RGS7: variants seen among roughly 807,000 people sequenced by gnomAD.
RGS7 encodes the protein regulator of G-protein signaling 7.
A neutral mutation model predicts 81.1 loss-of-function variants in RGS7; 27 were observed. The observed-to-expected ratio is 0.33, with a 90% CI of 0.25 to 0.46. The LOEUF (loss-of-function observed/expected upper bound fraction) is 0.46. RGS7 is among the 20% of genes least tolerant of loss of function. The pLI, the probability that RGS7 is intolerant of heterozygous loss-of-function variation, is 1.00. For synonymous variants in RGS7, 208 were observed against 207.7 expected, an observed-to-expected ratio of 1.00 and a Z score of -0.01; for missense variants, 396 against 607.4, an observed-to-expected ratio of 0.65 and a Z score of 3.66.
intron 2 of RGS7, among the ~76,000 whole-genome samples, chr1:241,134,404 TTG>T (rs1441215736): frequency 6.6e-6 from 1 of 152,130 alleles, no homozygotes; most frequent in Non-Finnish European, 1.5e-5. Context: ...CAAAAGTAAA[TTG>T]TGTTTGTGTG....
At chr1:241,310,939 G>C (rs562819283) in intron 2 of RGS7, among the ~76,000 whole-genome samples, 1 of 152,170 alleles carries the variant, frequency 6.6e-6, no homozygotes, top group East Asian at 1.9e-4. Flanking sequence ...CTTTCATCTC[G>C]ATCCCTGGAG....
intron 3 of RGS7, among the ~76,000 whole-genome samples, chr1:241,016,113 A>G (rs908677313): frequency 6.6e-6 from 1 of 152,238 alleles, no homozygotes; most frequent in Admixed American, 6.5e-5. Flanking sequence ...ATATTGGCAG[A>G]AATCCTGTGT....
chr1:240,970,456 G>T (rs988683671), intron 4 of RGS7, among the ~76,000 whole-genome samples: 6 of 152,182 alleles, frequency 3.9e-5, no homozygotes, highest in South Asian at 2.1e-4. Context: ...AAATGCAAAC[G>T]CAACACCAAA....
At chr1:241,286,038 A>C (rs2078790023) in intron 2 of RGS7, among the ~76,000 whole-genome samples, 1 of 152,148 alleles carries the variant, frequency 6.6e-6, no homozygotes, top group Non-Finnish European at 1.5e-5. Context: ...CATCCTTTTG[A>C]ATTCAACACT....
At chr1:241,088,027 CAT>C (rs202207333) in intron 3 of RGS7, among the ~76,000 whole-genome samples, 12 of 90,336 alleles carry the variant, frequency 1.3e-4, no homozygotes, top group South Asian at 8.3e-4. Context: ...TACACACACA[CAT>C]ATATATATAC....
rs1337892599 is a variant in RGS7 at position 240,775,979 on chromosome 1, G to A, written c.*241C>T. 1 of 633,466 alleles carries A rather than the reference G, an allele frequency of 1.6e-6. No homozygotes were observed. Among genetic ancestry groups the A allele is most frequent in the Non-Finnish European group, 2.9e-6 (1 of 340,968 alleles). The allele number at this position is 633,466 out of a possible 1,614,324, so 39.2% of individuals were successfully genotyped here. A position where few individuals can be genotyped will look rare whatever the true frequency, so the allele number is the denominator to read the frequency against. ...AGAAGGAGAAAGAAAGCAGACAACAGTTTGGAATGGAGGCATTGAGACGGA... is the reference window on the plus strand; with the variant it reads ...AGAAGGAGAAAGAAAGCAGACAACAATTTGGAATGGAGGCATTGAGACGGA... On this transcript the variant is annotated 3_prime_UTR_variant, in exon 19 of 19. Transcript: ENST00000440928.
chr1:241,305,320 C>T (rs2080022328), intron 2 of RGS7, among the ~76,000 whole-genome samples: 1 of 152,162 alleles, frequency 6.6e-6, no homozygotes, highest in African/African-American at 2.4e-5. Flanking sequence ...TCTCCAGTTT[C>T]TAGATGGAGT....
intron 4 of RGS7, among the ~76,000 whole-genome samples, chr1:240,954,490 A>C (rs1680034984): frequency 1.3e-5 from 2 of 152,136 alleles, no homozygotes; most frequent in Admixed American, 6.6e-5. Flanking sequence ...AAAGGTGAAA[A>C]CTTATACGAT....
intron 6 of RGS7, among the ~76,000 whole-genome samples, chr1:240,898,625 T>A (rs1297071800): frequency 1.3e-5 from 2 of 152,234 alleles, no homozygotes; most frequent in East Asian, 1.9e-4. Flanking sequence ...ACTTCTAGTT[T>A]GATTGCACTG....
intron 2 of RGS7, among the ~76,000 whole-genome samples, chr1:241,153,374 G>T (rs1375369861): frequency 3.9e-5 from 6 of 152,074 alleles, no homozygotes; most frequent in Admixed American, 2.6e-4. Context: ...CATTTAACAT[G>T]AGAATCATAT....
intron 2 of RGS7, among the ~76,000 whole-genome samples, chr1:241,315,107 C>CTTCTTT (rs2080790774): frequency 1.0e-4 from 6 of 57,430 alleles, no homozygotes; most frequent in Non-Finnish European, 8.8e-5. Context: ...TCTTCTTCTT[C>CTTCTTT]TTTTTTTTTT....
chr1:241,175,941 A>T (rs1479603690), intron 2 of RGS7, among the ~76,000 whole-genome samples: 1 of 152,152 alleles, frequency 6.6e-6, no homozygotes. Flanking sequence ...TTCTTTTTGC[A>T]AGTAATTTAC....
intron 12 of RGS7, 113 bp from the exon 13 acceptor site, chr1:240,813,841 A>T: frequency 1.4e-6 from 1 of 728,554 alleles, no homozygotes; most frequent in Non-Finnish European, 2.5e-6. Flanking sequence ...TGTTCACTTA[A>T]AGCATGAAAT....
intron 2 of RGS7, among the ~76,000 whole-genome samples, chr1:241,264,062 C>T (rs1425075477): frequency 6.6e-6 from 1 of 152,202 alleles, no homozygotes; most frequent in Admixed American, 6.5e-5. Flanking sequence ...GTGCACCACC[C>T]TGACTTACTA....
intron 3 of RGS7, among the ~76,000 whole-genome samples, chr1:241,053,704 T>G (rs1040776194): frequency 2.0e-5 from 3 of 152,212 alleles, no homozygotes; most frequent in Non-Finnish European, 4.4e-5. Flanking sequence ...TCTTGAATTG[T>G]AGCTCCCGTA....
intron 2 of RGS7, among the ~76,000 whole-genome samples, chr1:241,335,764 G>C (rs1228709933): frequency 6.6e-6 from 1 of 152,078 alleles, no homozygotes; most frequent in Non-Finnish European, 1.5e-5. Context: ...GGGGCTGCAG[G>C]AGAAGCCTTG....
At chr1:241,242,917 C>T (rs1032577162) in intron 2 of RGS7, among the ~76,000 whole-genome samples, 2 of 152,070 alleles carry the variant, frequency 1.3e-5, no homozygotes, top group African/African-American at 4.8e-5. Flanking sequence ...AGATTTTCTC[C>T]CACTCTGTGG....
At chr1:241,089,063 C>CTCTCTCTCTCTCTCTCTATATATATA (rs1374552672) in intron 3 of RGS7, among the ~76,000 whole-genome samples, 1 of 23,686 alleles carries the variant, frequency 4.2e-5, no homozygotes, top group Non-Finnish European at 7.4e-5. Context: ...CTCTCTCTCT[C>CTCTCTCTCTCTCTCTCTATATATATA]TATATATATA....
intron 2 of RGS7, among the ~76,000 whole-genome samples, chr1:241,277,475 C>T (rs761275493): frequency 2.6e-5 from 4 of 151,950 alleles, no homozygotes; most frequent in Non-Finnish European, 5.9e-5. Flanking sequence ...AAAAATTAGC[C>T]GGGCGTAGTG....
Sources: allele counts gnomAD v4.1 joint callset (sites outside exome capture counted in the v4.1 genomes callset), GRCh38; gene constraint gnomAD v4.1.1; transcripts MANE v1.5; gene names NCBI Gene and HGNC (gene_info 2026-07-23, HGNC 2026-07-21).